Variants in GNG7 observed in about 807,000 individuals in gnomAD.
GNG7 encodes G protein subunit gamma 7, also known as guanine nucleotide-binding protein G(I)/G(S)/G(O) subunit gamma-7.
A neutral mutation model predicts 4.0 loss-of-function variants in GNG7; 1 was observed. That is an observed-to-expected ratio of 0.25 (90% CI 0.09 to 1.18). The LOEUF is 1.18. Among genes scored for constraint, GNG7 ranks in the 50% most tolerant of loss-of-function variants. The pLI, the probability that GNG7 is intolerant of heterozygous loss-of-function variation, is 0.50. For synonymous variants in GNG7, 34 were observed against 36.9 expected (o/e 0.92, Z 0.29); for missense variants, 86 against 91.9 (o/e 0.94, Z 0.26).
intron 2 of GNG7, among the ~76,000 whole-genome samples, chr19:2,586,938 T>C (rs1980691367): frequency 7.1e-6 from 1 of 140,948 alleles, no homozygotes; most frequent in African/African-American, 2.7e-5. Context: ...TGAGCAGAGA[T>C]TGTGCCACCG....
Position 2,575,737 on chromosome 19 carries a change from G to A in GNG7, c.-77-20549C>T, listed in dbSNP as rs1408605695. Among the ~76,000 whole-genome samples, 418 of 53,584 alleles carry A rather than the reference G, an allele frequency of 7.8e-3. 3 individuals are homozygous for A. Among genetic ancestry groups the A allele is most frequent in the African/African-American group, 0.023 (165 of 7,110 alleles). 35.2% of individuals were successfully genotyped at this position (53,584 alleles called of 152,430 possible). A position where few individuals can be genotyped will look rare whatever the true frequency, so the allele number is the denominator to read the frequency against. On this transcript the variant is annotated intron_variant, in intron 2 of 4. Transcript: ENST00000382159. Reference sequence around the variant, plus strand: ...GGCACACGCAGACACGCAGGCACACGCACACGCAGGCACACGCAGACACGC... The same window carrying A: ...GGCACACGCAGACACGCAGGCACACACACACGCAGGCACACGCAGACACGC...
intron 3 of GNG7, among the ~76,000 whole-genome samples, chr19:2,528,812 TG>T (rs899592776): frequency 4.6e-5 from 7 of 152,334 alleles, no homozygotes; most frequent in African/African-American, 1.7e-4. Flanking sequence ...GCACCAGGCC[TG>T]GCCCCCAGGT....
chr19:2,553,019 G>A (rs780385522), intron 3 of GNG7, among the ~76,000 whole-genome samples: 3 of 150,686 alleles, frequency 2.0e-5, no homozygotes, highest in South Asian at 2.1e-4. Flanking sequence ...AGCGATAAAC[G>A]AGACAGAGAT....
chr19:2,555,771 G>T (rs1979522672), intron 2 of GNG7, among the ~76,000 whole-genome samples: 1 of 152,110 alleles, frequency 6.6e-6, no homozygotes. Flanking sequence ...AGGCCCCGGT[G>T]ATTGGTCTCC....
chr19:2,675,294 G>A (rs1487809693), intron 1 of GNG7, among the ~76,000 whole-genome samples: 1 of 152,154 alleles, frequency 6.6e-6, no homozygotes, highest in Non-Finnish European at 1.5e-5. Flanking sequence ...AACCAGCCAG[G>A]AACAGCAGCA....
chr19:2,668,573 A>C (rs959899438), intron 1 of GNG7, among the ~76,000 whole-genome samples: 1 of 152,190 alleles, frequency 6.6e-6, no homozygotes, highest in Non-Finnish European at 1.5e-5. Context: ...TTTCGGCAGC[A>C]TGGTGTATTC....
Position 2,511,928 on chromosome 19 carries a change from G to A in GNG7, c.*3094C>T, listed in dbSNP as rs1205914799. 4.1e-6 allele frequency: 4 copies of A among 986,014 alleles called. No individual in the cohort carries two copies. In the Admixed American group the frequency reaches 1.8e-4, roughly 46 times the overall value. 61.1% of individuals were successfully genotyped at this position (986,014 alleles called of 1,614,324 possible). A position where few individuals can be genotyped will look rare whatever the true frequency, so the allele number is the denominator to read the frequency against. On this transcript the variant is annotated 3_prime_UTR_variant, in exon 5 of 5. Transcript: ENST00000382159. The surrounding 1 kb of genome is among the most constrained non-coding windows in gnomAD (Gnocchi z 6.3). The stretch of plus-strand genomic sequence containing the variant: ...GGGGAGGCGGAGCTGGTCCGGGAAG[G>A]TGCCCAGGTGGGTCACAACAGGGTC...
chr19:2,640,259 G>A (rs1982470964), intron 2 of GNG7, among the ~76,000 whole-genome samples: 2 of 151,332 alleles, frequency 1.3e-5, no homozygotes, highest in South Asian at 2.1e-4. Context: ...AGGAAGGAAG[G>A]AGAGAGAGAG....
chr19:2,589,490 G>A (rs1980776619), intron 2 of GNG7, among the ~76,000 whole-genome samples: 1 of 149,116 alleles, frequency 6.7e-6, no homozygotes, highest in Non-Finnish European at 1.5e-5. Flanking sequence ...TAAGTGCTGA[G>A]ATCACAGGCA....
chr19:2,701,041 A>T (rs1054086141), intron 1 of GNG7: 1 of 152,002 alleles, frequency 6.6e-6, no homozygotes, highest in Non-Finnish European at 1.5e-5. Context: ...GCACCGTCCC[A>T]AAAACTCCCA....
chr19:2,566,861 G>T (rs1037961034), intron 2 of GNG7, among the ~76,000 whole-genome samples: 2 of 152,264 alleles, frequency 1.3e-5, no homozygotes, highest in East Asian at 3.9e-4. Context: ...CCAGCACTTT[G>T]GGAGGCCGAG....
intron 2 of GNG7, among the ~76,000 whole-genome samples, chr19:2,639,200 C>G (rs148528568): frequency 0.095 from 14,351 of 151,358 alleles, 820 homozygotes; most frequent in Middle Eastern, 0.16. Context: ...CGCCACTGCA[C>G]TCCAGCCTGG....
intron 3 of GNG7, among the ~76,000 whole-genome samples, chr19:2,551,858 T>A (rs535631303): frequency 6.6e-6 from 1 of 152,054 alleles, no homozygotes; most frequent in African/African-American, 2.4e-5. Flanking sequence ...TAATTTTTTT[T>A]ATTTTCAGTA....
At chr19:2,585,935 C>T (rs1980659606) in intron 2 of GNG7, among the ~76,000 whole-genome samples, 2 of 152,158 alleles carry the variant, frequency 1.3e-5, no homozygotes, top group South Asian at 2.1e-4. Flanking sequence ...CTCTTGACCT[C>T]GTGATCCACC....
intron 2 of GNG7, among the ~76,000 whole-genome samples, chr19:2,578,377 C>A (rs1980405820): frequency 6.6e-6 from 1 of 152,164 alleles, no homozygotes; most frequent in Non-Finnish European, 1.5e-5. Flanking sequence ...TGTTAGGAAG[C>A]TATTTGCAGT....
chr19:2,631,236 C>T (rs898857508), intron 2 of GNG7, among the ~76,000 whole-genome samples: 1 of 152,142 alleles, frequency 6.6e-6, no homozygotes, highest in Non-Finnish European at 1.5e-5. Flanking sequence ...CAGAGATGGC[C>T]CAGGGTCACA....
chr19:2,656,546 G>A (rs375465478), intron 1 of GNG7, among the ~76,000 whole-genome samples: 15 of 152,122 alleles, frequency 9.9e-5, no homozygotes, highest in Admixed American at 7.9e-4. Context: ...GTTGCAGTGC[G>A]CCAAGATCAC....
At chr19:2,670,831 T>C (rs1177992064) in intron 1 of GNG7, among the ~76,000 whole-genome samples, 9 of 151,878 alleles carry the variant, frequency 5.9e-5, no homozygotes, top group Admixed American at 4.6e-4. Context: ...TCATCCACCA[T>C]TGACACCCCC....
intron 2 of GNG7, among the ~76,000 whole-genome samples, chr19:2,562,954 T>C (rs1219924185): frequency 2.0e-5 from 3 of 152,066 alleles, no homozygotes; most frequent in Admixed American, 1.3e-4. Flanking sequence ...TTCTTTTTTT[T>C]TGTTTTTTGA....
Sources: gnomAD v4.1 joint callset for allele counts (sites outside exome capture counted in the v4.1 genomes callset) on GRCh38, gnomAD v4.1.1 for gene constraint, Gnocchi (gnomAD v3.1) non-coding constraint, MANE v1.5 for transcripts, NCBI Gene and HGNC (gene_info 2026-07-23, HGNC 2026-07-21) for gene names.